FHAD1: variants seen among roughly 807,000 people sequenced by gnomAD.
The protein encoded by FHAD1 is forkhead-associated domain-containing protein 1.
Under a neutral mutation model 191.3 loss-of-function variants are expected in FHAD1, and 146 were observed. The ratio of observed to expected loss-of-function variants is 0.76; its 90% CI spans 0.67 to 0.88. The LOEUF (loss-of-function observed/expected upper bound fraction) is 0.88. FHAD1 is among the 40% of genes least tolerant of loss of function. The probability of loss-of-function intolerance (pLI) is 0.00; values close to 1 mark genes in which losing one functional copy is unlikely to be tolerated. For synonymous variants in FHAD1, 616 were observed against 672.3 expected, an observed-to-expected ratio of 0.92 and a Z score of 1.29; for missense variants, 1,635 against 1,785.8, an observed-to-expected ratio of 0.92 and a Z score of 1.52.
At chr1:15,295,941 G>C (rs763206298) in intron 4 of FHAD1, among the ~76,000 whole-genome samples, 1 of 152,230 alleles carries the variant, frequency 6.6e-6, no homozygotes, top group African/African-American at 2.4e-5. Flanking sequence ...GCTGTAGTTT[G>C]CCAGTCCCTG....
At chr1:15,383,939 C>A (rs1701504522) in intron 31 of FHAD1, 1 of 403,450 alleles carries the variant, frequency 2.5e-6, no homozygotes, top group Non-Finnish European at 5.0e-6. Flanking sequence ...CCGTGAGTCC[C>A]CTCCTTGTAA....
In FHAD1 at chr1:15,339,500, A is replaced by G; in HGVS notation, c.1926A>G (p.Ile642Met). The change falls in exon 15 of 34, where the codon ATA (isoleucine) becomes ATG (methionine). Residue 642 changes from isoleucine (I) to methionine (M), a missense_variant. Ile to Met is a conservative substitution (Grantham distance 10). Coordinates refer to ENST00000688493, the MANE Select transcript of FHAD1 (RefSeq NM_001391957.1). Reference protein sequence around the residue: ...SPNKGFSLYLIYLLEHYKKLM... With the variant: ...SPNKGFSLYLMYLLEHYKKLM... ...TTTAAGGGTTCTCTTTGTATCTGAT[A>G]TATCTTCTGGAACATTATAAAAAAC... is the stretch of plus-strand genomic sequence containing the variant. 7.8e-7 allele frequency: 1 copy of G among 1,278,728 alleles called. No homozygotes were observed. Among genetic ancestry groups the G allele is most frequent in the Non-Finnish European group, 1.0e-6 (1 of 971,426 alleles). The allele number at this position is 1,278,728 out of a possible 1,614,324, so 79.2% of individuals were successfully genotyped here. A position where few individuals can be genotyped will look rare whatever the true frequency, so the allele number is the denominator to read the frequency against.
rs370867762 is a variant in FHAD1, at chr1:15,381,124, T to G, written c.3802-107T>G. The stretch of plus-strand genomic sequence containing the variant: ...ATCCTTTCAAAGCATGTGCGTGTTC[T>G]CTGCAATTGCAGAAAGTGAATGAAA... On this transcript the variant is annotated intron_variant, in intron 29 of 33. Transcript: ENST00000688493. The surrounding 1 kb of genome is among the most constrained non-coding windows in gnomAD (Gnocchi z 4.6). The G allele has an allele frequency of 1.5e-5, 11 of 751,476 alleles. No homozygotes were observed. The highest frequency in any genetic ancestry group is 7.3e-5 in the South Asian group (4 of 54,938). 46.6% of individuals were successfully genotyped at this position (751,476 alleles called of 1,614,324 possible). A position where few individuals can be genotyped will look rare whatever the true frequency, so the allele number is the denominator to read the frequency against.
At chr1:15,349,204 T>C in intron 19 of FHAD1, 55 bp downstream of exon 19, 1 of 1,337,300 alleles carries the variant, frequency 7.5e-7, no homozygotes, top group Non-Finnish European at 1.0e-6. Flanking sequence ...GCCAGATCCC[T>C]GGGAGAGTAC....
chr1:15,333,758 T>C (rs967179943), intron 14 of FHAD1, among the ~76,000 whole-genome samples: 2 of 152,094 alleles, frequency 1.3e-5, no homozygotes, highest in African/African-American at 4.8e-5. Context: ...TTCACACGCA[T>C]TGTGTACTTT....
rs542418914 is a variant in FHAD1 at position 15,236,603 on chromosome 1, GAGA to G, written c.-169_-167del. Among the ~76,000 whole-genome samples the G allele has an allele frequency of 2.6e-3, 397 of 152,352 alleles. 2 individuals are homozygous for G. Among genetic ancestry groups the G allele is most frequent in the Non-Finnish European group, 4.5e-3 (308 of 68,040 alleles). On this transcript the variant is annotated 5_prime_UTR_variant, in exon 1 of 34. Transcript: ENST00000683790. ...TCTCATCCCCTTGGGATTCAAAGCT[GAGA>G]AGATGTAAGGACTGGAGCTGCAGCA...
Position 15,301,412 on chromosome 1 carries a change from C to A in FHAD1, c.886C>A (p.Gln296Lys). Reference protein sequence around the residue: ...QVLDEDIDAKQKEIQSLKSQI... With the variant: ...QVLDEDIDAKKKEIQSLKSQI... The stretch of plus-strand genomic sequence containing the variant: ...TCTGGATGAAGACATCGATGCCAAA[C>A]AGAAAGAGATCCAGAGCTTGAAAAG... The change falls in exon 6 of 34, where the codon CAG becomes AAG. Residue 296 changes from glutamine (Q) to lysine (K), a missense_variant. Coordinates refer to ENST00000688493, the MANE Select transcript of FHAD1 (RefSeq NM_001391957.1). 6.4e-7 allele frequency: 1 copy of A among 1,551,766 alleles called. No homozygotes were observed. Among genetic ancestry groups the A allele is most frequent in the Non-Finnish European group, 8.7e-7 (1 of 1,147,024 alleles).
intron 23 of FHAD1, among the ~76,000 whole-genome samples, chr1:15,365,063 A>G (rs1265380098): frequency 6.6e-6 from 1 of 152,160 alleles, no homozygotes; most frequent in East Asian, 1.9e-4. Flanking sequence ...CCATTCATTC[A>G]CATCTGGCCC....
At chr1:15,340,344 C>T (rs1028638492) in intron 15 of FHAD1, among the ~76,000 whole-genome samples, 12 of 152,206 alleles carry the variant, frequency 7.9e-5, no homozygotes, top group African/African-American at 2.9e-4. Context: ...TTACTCCTCA[C>T]GTGTCTGGGG....
chr1:15,358,724 A>G (rs1470612377), intron 21 of FHAD1, among the ~76,000 whole-genome samples: 1 of 152,172 alleles, frequency 6.6e-6, no homozygotes, highest in Admixed American at 6.5e-5. Context: ...CAATGCATTA[A>G]AGTGTAGGCT....
rs533894044 is a variant in FHAD1, at chr1:15,249,979, G to A, written c.-14-1792G>A. ...GGACAATAATGACACCCACCTTGCA[G>A]GGTTTCTCTGAGGATGAAAAGAGTA... On this transcript the variant is annotated intron_variant, in intron 1 of 33. Coordinates refer to ENST00000688493, the MANE Select transcript of FHAD1 (RefSeq NM_001391957.1). Among the ~76,000 whole-genome samples the A allele has an allele frequency of 2.6e-5, 4 of 152,292 alleles. No individual in the cohort carries two copies. The South Asian group carries it at 8.3e-4, about 32-fold the overall frequency.
At chr1:15,374,860 G>GT (rs1197536658) in intron 27 of FHAD1, among the ~76,000 whole-genome samples, 8 of 138,970 alleles carry the variant, frequency 5.8e-5, no homozygotes, top group Non-Finnish European at 1.1e-4. Context: ...TTTTTTTTTT[G>GT]TTTGTTTTTT....
chr1:15,335,095 G>T (rs1683464445), intron 14 of FHAD1, among the ~76,000 whole-genome samples: 1 of 152,210 alleles, frequency 6.6e-6, no homozygotes, highest in African/African-American at 2.4e-5. Context: ...ATCCAGGCGG[G>T]GTAAACGTCA....
intron 1 of FHAD1, among the ~76,000 whole-genome samples, chr1:15,240,597 C>G (rs1645229672): frequency 6.8e-6 from 1 of 146,222 alleles, no homozygotes; most frequent in South Asian, 2.2e-4. Flanking sequence ...CATCACTGCA[C>G]TCCCAGCCTG....
At chr1:15,341,606 C>A (rs369059998) in intron 15 of FHAD1, 130 bp from the exon 16 acceptor site, 41 of 694,950 alleles carry the variant, frequency 5.9e-5, no homozygotes, top group Middle Eastern at 8.2e-4. Context: ...CTGTAGTGTT[C>A]TGTGATTTTA....
At chr1:15,245,317 T>C (rs1441080885), upstream of FHAD1, among the ~76,000 whole-genome samples, 1 of 152,184 alleles carries the variant, frequency 6.6e-6, no homozygotes, top group African/African-American at 2.4e-5. Context: ...CTTTTGTTGT[T>C]CTTATTTTTA....
chr1:15,269,181 T>TCA (rs1237108333), intron 2 of FHAD1, among the ~76,000 whole-genome samples: 6 of 152,198 alleles, frequency 3.9e-5, no homozygotes, highest in Non-Finnish European at 7.3e-5. Flanking sequence ...TGATCTAATA[T>TCA]TTCTTTCAGT....
chr1:15,330,612 C>T (rs910252403), intron 14 of FHAD1, among the ~76,000 whole-genome samples: 1 of 152,068 alleles, frequency 6.6e-6, no homozygotes, highest in Non-Finnish European at 1.5e-5. Flanking sequence ...GTGCAGGGTT[C>T]GATCTGGTCA....
chr1:15,242,486 C>A (rs1443264891), upstream of FHAD1, among the ~76,000 whole-genome samples: 1 of 152,068 alleles, frequency 6.6e-6, no homozygotes, highest in Non-Finnish European at 1.5e-5. Context: ...CATAAAGGTT[C>A]ACTGTCACTC....
Sources: allele counts gnomAD v4.1 joint callset (sites outside exome capture counted in the v4.1 genomes callset), GRCh38; gene constraint gnomAD v4.1.1; non-coding constraint Gnocchi (gnomAD v3.1); transcripts MANE v1.5; gene names NCBI Gene and HGNC (gene_info 2026-07-23, HGNC 2026-07-21).